BEND6: variants seen among roughly 807,000 people sequenced by gnomAD.
BEND6 encodes the protein BEN domain-containing protein 6.
A neutral mutation model predicts 31.8 loss-of-function variants in BEND6; 24 were observed. That is an observed-to-expected ratio of 0.75 (90% confidence interval 0.55 to 1.06). The LOEUF is 1.06. Among genes scored for constraint, BEND6 ranks in the 50% least tolerant of loss-of-function variants. The probability of loss-of-function intolerance (pLI) is 0.00; values close to 1 mark genes in which losing one functional copy is unlikely to be tolerated. For missense variants in BEND6, 294 were observed against 327.4 expected, an observed-to-expected ratio of 0.90 and a Z score of 0.79; for synonymous variants, 109 against 114.6, an observed-to-expected ratio of 0.95 and a Z score of 0.31.
intron 6 of BEND6, among the ~76,000 whole-genome samples, chr6:57,024,610 GCTT>G (rs1158184630): frequency 2.0e-5 from 3 of 151,884 alleles, no homozygotes. Flanking sequence ...TATGTTAGTT[GCTT>G]CTTCTCTCTG....
chr6:56,986,236 C>G (rs1405461606), intron 2 of BEND6, among the ~76,000 whole-genome samples: 1 of 151,808 alleles, frequency 6.6e-6, no homozygotes, highest in Admixed American at 6.6e-5. Context: ...ACATATATAA[C>G]AATGAAATAT....
At chr6:56,995,697 A>G (rs1010874970) in intron 3 of BEND6, among the ~76,000 whole-genome samples, 1 of 152,106 alleles carries the variant, frequency 6.6e-6, no homozygotes, top group Admixed American at 6.5e-5. Flanking sequence ...CCCTTTTTAT[A>G]AGAACACCAG....
intron 1 of BEND6, among the ~76,000 whole-genome samples, chr6:56,962,320 C>T (rs1028963780): frequency 3.9e-5 from 6 of 152,220 alleles, no homozygotes; most frequent in African/African-American, 1.4e-4. Context: ...CCTCAACTCC[C>T]TCTCCACCAC....
intron 1 of BEND6, among the ~76,000 whole-genome samples, chr6:56,966,093 TTTTGTTTGTTTG>T (rs901176469): frequency 2.0e-5 from 3 of 152,066 alleles, no homozygotes; most frequent in African/African-American, 7.2e-5. Context: ...GTGGTTTGTT[TTTTGTTTGTTTG>T]TTTGTTTGTT....
chr6:57,018,364 C>T (rs768515290), intron 5 of BEND6, 57 bp from the exon 6 acceptor site: 2 of 1,531,718 alleles, frequency 1.3e-6, no homozygotes, highest in Admixed American at 2.4e-5. Flanking sequence ...TCAGTTCATA[C>T]CCTAAGATGC....
chr6:57,017,479 C>G (rs1423430952), intron 5 of BEND6, 80 bp downstream of exon 5: 2 of 1,107,406 alleles, frequency 1.8e-6, no homozygotes, highest in Non-Finnish European at 2.3e-6. Flanking sequence ...CTTTCATGGT[C>G]CTTTTATTTT....
At chr6:57,020,233 G>A (rs1038408068) in intron 6 of BEND6, among the ~76,000 whole-genome samples, 1 of 151,504 alleles carries the variant, frequency 6.6e-6, no homozygotes, top group South Asian at 2.1e-4. Context: ...TTTGACATGA[G>A]GTTACCCACC....
At chr6:56,989,014 G>C (rs1377355469) in intron 2 of BEND6, among the ~76,000 whole-genome samples, 1 of 151,940 alleles carries the variant, frequency 6.6e-6, no homozygotes, top group Non-Finnish European at 1.5e-5. Context: ...CTGGGAGACA[G>C]AGTGAGATTC....
chr6:56,998,106 G>A (rs1373063847), intron 3 of BEND6, among the ~76,000 whole-genome samples: 3 of 152,170 alleles, frequency 2.0e-5, no homozygotes, highest in Non-Finnish European at 4.4e-5. Context: ...CGTTTTGAGG[G>A]AGAGGGAGTG....
intron 1 of BEND6, among the ~76,000 whole-genome samples, chr6:56,963,220 G>A (rs1444055736): frequency 6.6e-6 from 1 of 152,164 alleles, no homozygotes; most frequent in Admixed American, 6.5e-5. Flanking sequence ...TTGCTGAGCA[G>A]CTACTCTTCC....
At chr6:57,007,999 G>A (rs1462402576) in intron 3 of BEND6, among the ~76,000 whole-genome samples, 1 of 152,180 alleles carries the variant, frequency 6.6e-6, no homozygotes, top group Non-Finnish European at 1.5e-5. Flanking sequence ...GCTTATATAG[G>A]TTGGGGTTAT....
intron 4 of BEND6, 66 bp downstream of exon 4, chr6:57,015,419 G>A (rs562030615): frequency 2.2e-6 from 3 of 1,347,436 alleles, no homozygotes. Context: ...AAATAAGGGT[G>A]GAAAATGATC....
intron 1 of BEND6, among the ~76,000 whole-genome samples, chr6:56,958,788 A>C (rs1825185244): frequency 6.6e-6 from 1 of 152,196 alleles, no homozygotes; most frequent in Non-Finnish European, 1.5e-5. Context: ...GAACAGATGC[A>C]CAAATGGGAG....
At chr6:56,963,894 A>G (rs990836358) in intron 1 of BEND6, among the ~76,000 whole-genome samples, 17 of 147,960 alleles carry the variant, frequency 1.1e-4, no homozygotes, top group Non-Finnish European at 2.1e-4. Context: ...AATTAATGTT[A>G]TAATTACAAT....
At chr6:56,968,001 T>A (rs1473491890) in intron 1 of BEND6, among the ~76,000 whole-genome samples, 1 of 152,230 alleles carries the variant, frequency 6.6e-6, no homozygotes, top group Non-Finnish European at 1.5e-5. Flanking sequence ...ATATACTAAA[T>A]ATTCAGTAAA....
At chr6:56,989,421 G>A (rs1222852918) in intron 2 of BEND6, among the ~76,000 whole-genome samples, 1 of 152,122 alleles carries the variant, frequency 6.6e-6, no homozygotes, top group African/African-American at 2.4e-5. Flanking sequence ...GAACAACAGT[G>A]TTATGGAAAG....
chr6:56,966,354 G>A (rs1369810982), intron 1 of BEND6, among the ~76,000 whole-genome samples: 5 of 152,014 alleles, frequency 3.3e-5, no homozygotes, highest in African/African-American at 9.7e-5. Flanking sequence ...CGCCTGCCTC[G>A]GCCTCCCAAA....
intron 3 of BEND6, among the ~76,000 whole-genome samples, chr6:56,996,301 G>T (rs1192803108): frequency 6.6e-6 from 1 of 152,010 alleles, no homozygotes; most frequent in East Asian, 1.9e-4. Context: ...ACAAAAATTA[G>T]CCAGGCATGG....
intron 6 of BEND6, among the ~76,000 whole-genome samples, chr6:57,023,760 C>T (rs1827822547): frequency 6.6e-6 from 1 of 152,204 alleles, no homozygotes; most frequent in Admixed American, 6.5e-5. Context: ...CACATGCCAC[C>T]ACACCTAGCT....
Sources: allele counts gnomAD v4.1 joint callset (sites outside exome capture counted in the v4.1 genomes callset), GRCh38; gene constraint gnomAD v4.1.1; transcripts MANE v1.5; gene names NCBI Gene and HGNC (gene_info 2026-07-23, HGNC 2026-07-21).